PPP2R2B: variants seen among roughly 807,000 people sequenced by gnomAD.
PPP2R2B encodes serine/threonine-protein phosphatase 2A 55 kDa regulatory subunit B beta isoform.
Under a neutral mutation model 46.0 loss-of-function variants are expected in PPP2R2B, and 5 were observed. The observed-to-expected ratio is 0.11, with a 90% CI of 0.06 to 0.23. The LOEUF is 0.23. Among genes scored for constraint, PPP2R2B ranks in the 10% least tolerant of loss-of-function variants. The pLI is 1.00. For missense variants in PPP2R2B, 367 were observed against 575.0 expected (o/e 0.64, Z 3.70); for synonymous variants, 215 against 206.7 (o/e 1.04, Z -0.34).
intron 5 of PPP2R2B, among the ~76,000 whole-genome samples, chr5:146,663,682 T>A (rs1776810595): frequency 6.6e-6 from 1 of 152,176 alleles, no homozygotes; most frequent in African/African-American, 2.4e-5. Flanking sequence ...AAAAAATACT[T>A]TTTGCTAAAT....
intron 6 of PPP2R2B, among the ~76,000 whole-genome samples, chr5:146,643,689 A>G (rs1398464914): frequency 1.3e-5 from 2 of 152,216 alleles, no homozygotes; most frequent in Non-Finnish European, 2.9e-5. Flanking sequence ...AATCACCACT[A>G]AAGAACTTAC....
intron 2 of PPP2R2B, among the ~76,000 whole-genome samples, chr5:146,864,651 C>T (rs759344255): frequency 1.3e-5 from 2 of 152,150 alleles, no homozygotes; most frequent in Non-Finnish European, 1.5e-5. Context: ...TCCCAGGGTA[C>T]AAACTACTCA....
intron 1 of PPP2R2B, among the ~76,000 whole-genome samples, chr5:147,008,929 T>G (rs1754578776): frequency 6.6e-6 from 1 of 152,186 alleles, no homozygotes; most frequent in Admixed American, 6.6e-5. Flanking sequence ...GTGTGGGAAG[T>G]GATATTCACA....
intron 2 of PPP2R2B, among the ~76,000 whole-genome samples, chr5:146,745,425 C>T (rs1181982903): frequency 6.6e-6 from 1 of 152,056 alleles, no homozygotes; most frequent in Non-Finnish European, 1.5e-5. Context: ...TATGGAAGAT[C>T]TAGAAAGAAA....
chr5:146,868,054 C>T (rs1045331848), intron 2 of PPP2R2B, among the ~76,000 whole-genome samples: 10 of 152,202 alleles, frequency 6.6e-5, no homozygotes, highest in African/African-American at 2.4e-4. Flanking sequence ...GGCACTTGCT[C>T]TTCCCCATCA....
At chr5:146,676,519 C>T (rs992255553) in intron 5 of PPP2R2B, among the ~76,000 whole-genome samples, 2 of 152,138 alleles carry the variant, frequency 1.3e-5, no homozygotes, top group Non-Finnish European at 2.9e-5. Context: ...TTCTGCTCCT[C>T]TTCTTACTTT....
At chr5:146,789,994 G>A (rs2151292999) in intron 2 of PPP2R2B, among the ~76,000 whole-genome samples, 1 of 152,314 alleles carries the variant, frequency 6.6e-6, no homozygotes, top group East Asian at 1.9e-4. Flanking sequence ...TGACTGAAAT[G>A]CAGAGGTAAA....
chr5:146,705,848 T>C (rs1414994424), intron 2 of PPP2R2B, among the ~76,000 whole-genome samples: 1 of 152,154 alleles, frequency 6.6e-6, no homozygotes, highest in Non-Finnish European at 1.5e-5. Context: ...TCATAAAATT[T>C]AGAAAATAAT....
chr5:146,819,352 G>A (rs1758119917), intron 2 of PPP2R2B, among the ~76,000 whole-genome samples: 2 of 152,150 alleles, frequency 1.3e-5, no homozygotes, highest in African/African-American at 2.4e-5. Flanking sequence ...ACCTAAGGAT[G>A]AGCACATTCT....
At chr5:147,007,287 G>A (rs1008521962) in intron 1 of PPP2R2B, among the ~76,000 whole-genome samples, 1 of 152,170 alleles carries the variant, frequency 6.6e-6, no homozygotes, top group African/African-American at 2.4e-5. Flanking sequence ...TTAGAGGGGG[G>A]ATTGAGAGGT....
At chr5:147,055,948 T>G (rs1477022224) in exon 1 of PPP2R2B, 1 of 1,401,744 alleles carries the variant, frequency 7.1e-7, no homozygotes, top group Non-Finnish European at 9.2e-7. Context: ...CATTTCTGCA[T>G]GCAGCTCAAA....
chr5:146,879,609 T>G (rs999868724), upstream of PPP2R2B, among the ~76,000 whole-genome samples: 9 of 152,104 alleles, frequency 5.9e-5, no homozygotes, highest in Admixed American at 1.3e-4. Flanking sequence ...GTCCAATTAA[T>G]ACAGAAAAGA....
At chr5:146,671,330 G>T (rs1036848857) in intron 5 of PPP2R2B, among the ~76,000 whole-genome samples, 8 of 152,144 alleles carry the variant, frequency 5.3e-5, no homozygotes, top group Admixed American at 1.3e-4. Flanking sequence ...TCCTTAGGTT[G>T]TCCAGTGTTA....
intron 2 of PPP2R2B, among the ~76,000 whole-genome samples, chr5:146,815,125 A>C (rs941213150): frequency 4.6e-5 from 7 of 152,186 alleles, no homozygotes; most frequent in African/African-American, 1.7e-4. Flanking sequence ...ATCATCCCTG[A>C]AGGATGTGCA....
chr5:147,064,405 G>A (rs1757358219), intron 2 of PPP2R2B, among the ~76,000 whole-genome samples: 1 of 152,142 alleles, frequency 6.6e-6, no homozygotes, highest in African/African-American at 2.4e-5. Flanking sequence ...CCCCAGTCAG[G>A]ACAATCCAAA....
chr5:147,054,493 A>T (rs77913656), intron 1 of PPP2R2B: 8 of 345,654 alleles, frequency 2.3e-5, no homozygotes, highest in East Asian at 7.7e-5. Flanking sequence ...GTAAAAAAAA[A>T]GTCCATGAGA....
chr5:146,651,130 A>G (rs192708912), intron 5 of PPP2R2B, among the ~76,000 whole-genome samples: 2 of 152,194 alleles, frequency 1.3e-5, no homozygotes, highest in African/African-American at 4.8e-5. Flanking sequence ...GTTCAACTTT[A>G]ATCTAAATTT....
At chr5:146,881,666 C>T (rs906782436), upstream of PPP2R2B, among the ~76,000 whole-genome samples, 25 of 152,160 alleles carry the variant, frequency 1.6e-4, no homozygotes, top group Non-Finnish European at 2.8e-4. Flanking sequence ...CCTGACTGGG[C>T]CTTCCAAAGT....
intron 1 of PPP2R2B, chr5:146,919,793 C>A (rs762464566): frequency 6.6e-6 from 1 of 152,118 alleles, no homozygotes; most frequent in Non-Finnish European, 1.5e-5. Flanking sequence ...GTAGACTATG[C>A]CAGAATAGCA....
Sources: gnomAD v4.1 joint callset for allele counts (sites outside exome capture counted in the v4.1 genomes callset) on GRCh38, gnomAD v4.1.1 for gene constraint, MANE v1.5 for transcripts, NCBI Gene and HGNC (gene_info 2026-07-23, HGNC 2026-07-21) for gene names.